LY75: variants seen among roughly 807,000 people sequenced by gnomAD.
LY75 encodes the protein C-type lectin domain family 13 member B.
A neutral mutation model predicts 231.7 loss-of-function variants in LY75; 185 were observed. The observed-to-expected ratio is 0.80, with a 90% CI of 0.71 to 0.90. The LOEUF is 0.90. Among genes scored for constraint, LY75 ranks in the 40% least tolerant of loss-of-function variants. The pLI is 0.00. For missense variants in LY75, 1,947 were observed against 2,050.2 expected, an observed-to-expected ratio of 0.95 and a Z score of 0.97; for synonymous variants, 668 against 689.0, an observed-to-expected ratio of 0.97 and a Z score of 0.48.
At chr2:159,864,755 T>A in intron 14 of LY75, 84 bp downstream of exon 14, 1 of 1,302,328 alleles carries the variant, frequency 7.7e-7, no homozygotes, top group Non-Finnish European at 1.0e-6. Context: ...AAATTTTAGG[T>A]GTCAATGTAT....
intron 15 of LY75, 86 bp downstream of exon 15, chr2:159,860,726 TTCACATAAA>T (rs1193438817): frequency 1.6e-5 from 24 of 1,464,460 alleles, no homozygotes; most frequent in Non-Finnish European, 1.6e-5. Flanking sequence ...AACATCATGC[TTCACATAAA>T]AAGACACTCC....
chr2:159,864,221 G>T (rs1339496217), intron 14 of LY75, among the ~76,000 whole-genome samples: 1 of 151,880 alleles, frequency 6.6e-6, no homozygotes, highest in Non-Finnish European at 1.5e-5. Flanking sequence ...TTCCTTTATT[G>T]TGCAGAAGCT....
At chr2:159,874,152 AAT>A (rs1239770824) in intron 12 of LY75, among the ~76,000 whole-genome samples, 2 of 132,142 alleles carry the variant, frequency 1.5e-5, no homozygotes, top group Admixed American at 8.2e-5. Flanking sequence ...ATATTTTGTA[AAT>A]ATATATAAAC....
intron 1 of LY75, 73 bp downstream of exon 1, chr2:159,904,516 C>A: frequency 4.2e-6 from 6 of 1,428,850 alleles, no homozygotes; most frequent in Non-Finnish European, 5.5e-6. Flanking sequence ...CAGCCCTGCC[C>A]CAGGCTGGAA....
At chr2:159,881,465 T>A (rs114721669) in intron 7 of LY75, among the ~76,000 whole-genome samples, 3,866 of 152,242 alleles carry the variant, frequency 0.025, 73 homozygotes, top group Middle Eastern at 0.037. Flanking sequence ...GGCTGGGTGT[T>A]CCTGATATCT....
rs550994216 is a variant in LY75, at chr2:159,904,393, C to A, written c.94+196G>T. Among the ~76,000 whole-genome samples, 557 of 152,352 alleles carry A rather than the reference C, an allele frequency of 3.7e-3. 6 individuals carry two copies. The highest frequency in any genetic ancestry group is 0.012 in the African/African-American group (516 of 41,596). On this transcript the variant is annotated intron_variant, in intron 1 of 34. Transcript: ENST00000263636. ...CACATCCACCGCGCCCTCCTCCGGG[C>A]CCCCGAGGGCACTGGGGCGCTTCCT...
At chr2:159,808,658 A>G (rs1341009835) in intron 32 of LY75, 87 bp from the exon 33 acceptor site, 49 of 1,511,760 alleles carry the variant, frequency 3.2e-5, no homozygotes, top group Non-Finnish European at 3.7e-5. Context: ...AAATACATAT[A>G]TTATTAACAA....
chr2:159,845,083 T>C lies in LY75; in HGVS notation c.3151-2709A>G, dbSNP rs114170675. The stretch of plus-strand genomic sequence containing the variant: ...GATTCCATTCTTTTTATAGCTAAAG[T>C]TGCCATTGTTAATGACAATGAGAAA... On this transcript the variant is annotated intron_variant, in intron 23 of 34. Coordinates refer to ENST00000263636, the MANE Select transcript of LY75 (RefSeq NM_002349.4). 9.1e-3 allele frequency among the ~76,000 whole-genome samples: 1,386 copies of C among 152,214 alleles called. 15 individuals carry two copies. The highest frequency in any genetic ancestry group is 0.032 in the African/African-American group (1,321 of 41,536).
Position 159,890,207 on chromosome 2 carries a change from A to G in LY75, c.802+6T>C. On this transcript the variant is annotated splice_donor_region_variant and intron_variant, in intron 4 of 34. Coordinates refer to ENST00000263636, the MANE Select transcript of LY75 (RefSeq NM_002349.4). The stretch of plus-strand genomic sequence containing the variant: ...ATTTGCTCTATCACATGCAAATAAA[A>G]TCTACCTTTAAGGTAAGTTAATTCA... The G allele has an allele frequency of 6.2e-7, 1 of 1,605,904 alleles. No homozygotes were observed.
intron 12 of LY75, 101 bp from the exon 13 acceptor site, chr2:159,872,694 T>C: frequency 2.3e-6 from 3 of 1,330,350 alleles, no homozygotes; most frequent in South Asian, 1.4e-5. Flanking sequence ...CTGAAATGAA[T>C]TCTTAAAGGT....
At position 159,843,612 on chromosome 2, in the gene LY75, T is replaced by C. The variant is rs551393619; in HGVS notation, c.3151-1238A>G. ...GAATTAGAGCTTGCAGATAAGAAAT[T>C]GAGGCTTAAGAAAAGTTAAGTAAAC... is the stretch of plus-strand genomic sequence containing the variant. On this transcript the variant is annotated intron_variant, in intron 23 of 34. Coordinates refer to ENST00000263636, the MANE Select transcript of LY75 (RefSeq NM_002349.4). Among the ~76,000 whole-genome samples the C allele has an allele frequency of 5.9e-5, 9 of 152,208 alleles. No homozygotes were observed. In the East Asian group the frequency reaches 1.5e-3, roughly 26 times the overall value.
rs1206686756 is a variant in LY75 at position 159,840,809 on chromosome 2, C to T, written c.3427G>A (p.Asp1143Asn). 6.2e-7 allele frequency: 1 copy of T among 1,614,072 alleles called. No individual in the cohort carries two copies. Among genetic ancestry groups the T allele is most frequent in the East Asian group, 2.2e-5 (1 of 44,882 alleles). ...KSNMQLVSIT[D>N]PYQQAFLSVQ... ...CTGAGGAATGCCTGCTGGTAAGGGTCCGTGATGCTCACCAGCTGCATGTTA... is the reference window on the plus strand; with the variant it reads ...CTGAGGAATGCCTGCTGGTAAGGGTTCGTGATGCTCACCAGCTGCATGTTA... The change falls in exon 25 of 35, where the codon GAC becomes AAC. Residue 1143 changes from aspartate to asparagine, a missense_variant. Asp to Asn is a conservative substitution (Grantham distance 23). Coordinates refer to ENST00000263636, the MANE Select transcript of LY75 (RefSeq NM_002349.4).
chr2:159,878,471 C>A lies in LY75; in HGVS notation c.1627G>T (p.Asp543Tyr), dbSNP rs2125873924. 1 of 1,613,944 alleles carries A rather than the reference C, an allele frequency of 6.2e-7. No individual in the cohort carries two copies. Among genetic ancestry groups the A allele is most frequent in the Non-Finnish European group, 8.5e-7 (1 of 1,179,956 alleles). ...GATTTATCATACTTTTTCATCAAAT[C>A]ATTTAGGTATTCTTGCTCAAATCTA... ...TSRFEQEYLN[D>Y]LMKKYDKSLR... is the part of the protein sequence containing the mutation. Residue 543 changes from aspartate (D) to tyrosine (Y), a missense_variant, in exon 11 of 35, where the codon GAT (aspartate) becomes TAT (tyrosine). Transcript: ENST00000263636.
chr2:159,820,990 C>T (rs1057298978), intron 28 of LY75, among the ~76,000 whole-genome samples: 3 of 152,162 alleles, frequency 2.0e-5, no homozygotes, highest in African/African-American at 7.2e-5. Context: ...AGGTGCCCAC[C>T]ACCGCGGCTG....
At chr2:159,866,802 GT>G (rs1385452716) in intron 13 of LY75, among the ~76,000 whole-genome samples, 1 of 152,162 alleles carries the variant, frequency 6.6e-6, no homozygotes, top group Non-Finnish European at 1.5e-5. Flanking sequence ...AGAATTTTGT[GT>G]TTCCCTAAAG....
Position 159,872,542 on chromosome 2 carries a change from G to C in LY75, c.2026C>G (p.Arg676Gly). The C allele has an allele frequency of 6.2e-7, 1 of 1,613,924 alleles. No homozygotes were observed. Among genetic ancestry groups the C allele is most frequent in the Admixed American group, 1.7e-5 (1 of 59,986 alleles). ...VRKRNWEEAE[R>G]FCQALGAHLS... ...TGTGCTCCAAGGGCTTGGCAGAATC[G>C]TTCAGCTTCTTCCCAGTTCCTCTTT... The change falls in exon 13 of 35, where the codon CGA becomes GGA. Residue 676 changes from arginine (R) to glycine (G), a missense_variant. Physicochemically the swap from Arg to Gly is moderately radical, Grantham distance 125. Coordinates refer to ENST00000263636, the MANE Select transcript of LY75 (RefSeq NM_002349.4).
At position 159,881,087 on chromosome 2, in the gene LY75, C is replaced by G; in HGVS notation, c.1400G>C (p.Gly467Ala). 2 of 1,613,394 alleles carry G rather than the reference C, an allele frequency of 1.2e-6. No individual in the cohort carries two copies. The highest frequency in any genetic ancestry group is 1.7e-6 in the Non-Finnish European group (2 of 1,179,704). The change falls in exon 8 of 35, where the codon GGA (glycine) becomes GCA (alanine). Residue 467 changes from glycine (G) to alanine (A), a missense_variant. By Grantham distance (60) the Gly-to-Ala change is moderately conservative (BLOSUM62 0). Transcript: ENST00000263636. ...AAACCACAGGAGGTTTCGTACCTCT[C>G]CTAAGTAGGAAACACAGTTGGGCGT... ...NKTPNCVSYLGELGQWKVQSC... is the reference protein window; with the variant it reads ...NKTPNCVSYLAELGQWKVQSC...
Position 159,835,496 on chromosome 2 carries a change from A to C in LY75, c.3657T>G (p.Ile1219Met). 1 of 1,606,054 alleles carries C rather than the reference A, an allele frequency of 6.2e-7. No homozygotes were observed. The highest frequency in any genetic ancestry group is 8.5e-7 in the Non-Finnish European group (1 of 1,177,080). ...TTCACATACTTCCTGAATAGTAGCAAATAGCACCTGGTTGATTGTCATTGC... is the reference window on the plus strand; with the variant it reads ...TTCACATACTTCCTGAATAGTAGCACATAGCACCTGGTTGATTGTCATTGC... ...VDCNDNQPGA[I>M]CYYSGNETEK... The change falls in exon 26 of 35, where the codon ATT becomes ATG. Residue 1219 changes from isoleucine to methionine, a missense_variant. Transcript: ENST00000263636.
chr2:159,892,331 A>AGCTAG (rs1156639937), intron 3 of LY75, among the ~76,000 whole-genome samples: 1 of 152,206 alleles, frequency 6.6e-6, no homozygotes, highest in African/African-American at 2.4e-5. Flanking sequence ...AGCCTAGTGT[A>AGCTAG]GCTGTTTGGG....
Sources: gnomAD v4.1 joint callset for allele counts (sites outside exome capture counted in the v4.1 genomes callset) on GRCh38, gnomAD v4.1.1 for gene constraint, MANE v1.5 for transcripts, NCBI Gene and HGNC (gene_info 2026-07-23, HGNC 2026-07-21) for gene names.